GNAI3: variants seen among roughly 807,000 people sequenced by gnomAD.
GNAI3 encodes guanine nucleotide-binding protein G(i) subunit alpha-3.
GNAI3 carries 12 observed loss-of-function variants against 41.8 expected under a neutral mutation model. The ratio of observed to expected loss-of-function variants is 0.29; its 90% CI spans 0.18 to 0.47. GNAI3 has a LOEUF of 0.47. Among genes scored for constraint, GNAI3 ranks in the 20% least tolerant of loss-of-function variants. The probability of loss-of-function intolerance (pLI) is 1.00; values close to 1 mark genes in which losing one functional copy is unlikely to be tolerated. For synonymous variants in GNAI3, 132 were observed against 146.5 expected, an observed-to-expected ratio of 0.90 and a Z score of 0.71; for missense variants, 360 against 429.6, an observed-to-expected ratio of 0.84 and a Z score of 1.43.
chr1:109,583,731 G>A (rs376775030), intron 5 of GNAI3, among the ~76,000 whole-genome samples: 30 of 150,600 alleles, frequency 2.0e-4, no homozygotes, highest in African/African-American at 7.3e-4. Flanking sequence ...CAGGTGCGTT[G>A]CACCACGCCC....
chr1:109,571,736 G>T (rs1244634059), intron 1 of GNAI3, among the ~76,000 whole-genome samples: 1 of 152,104 alleles, frequency 6.6e-6, no homozygotes, highest in Non-Finnish European at 1.5e-5. Flanking sequence ...TGGCAAACAT[G>T]GTGAAACCCC....
intron 3 of GNAI3, 120 bp from the exon 4 acceptor site, chr1:109,579,084 G>A (rs1648825746): frequency 1.4e-6 from 1 of 735,574 alleles, no homozygotes; most frequent in Non-Finnish European, 2.2e-6. Context: ...TGTCAGAAAA[G>A]GTCTCTGTAA....
At chr1:109,563,009 A>G (rs561010961) in intron 1 of GNAI3, among the ~76,000 whole-genome samples, 15 of 152,288 alleles carry the variant, frequency 9.8e-5, no homozygotes, top group Non-Finnish European at 1.5e-4. Flanking sequence ...CAGTCATGTC[A>G]TATATAAATA....
In GNAI3 at chr1:109,586,314, A is replaced by G; in HGVS notation, c.689A>G (p.Tyr230Cys). Reference sequence around the variant, plus strand: ...ATCTTCTGTGTGGCCCTCAGTGATTATGACCTTGTTCTGGCTGAGGACGAG... The same window carrying G: ...ATCTTCTGTGTGGCCCTCAGTGATTGTGACCTTGTTCTGGCTGAGGACGAG... ...AIIFCVALSD[Y>C]DLVLAEDEEM... The change falls in exon 6 of 9, where the codon TAT becomes TGT. Residue 230 changes from tyrosine (Y) to cysteine (C), a missense_variant. Physicochemically the swap from Tyr to Cys is radical, Grantham distance 194 (BLOSUM62 -2). Transcript: ENST00000369851. The G allele has an allele frequency of 4.3e-6, 7 of 1,613,434 alleles. No individual in the cohort carries two copies. The highest frequency in any genetic ancestry group is 2.2e-5 in the East Asian group (1 of 44,850).
At chr1:109,578,711 G>T (rs569603882) in intron 3 of GNAI3, among the ~76,000 whole-genome samples, 2 of 152,126 alleles carry the variant, frequency 1.3e-5, no homozygotes, top group South Asian at 4.1e-4. Context: ...CTACTGTCTG[G>T]GCTGAAGGCA....
Position 109,592,575 on chromosome 1 carries a change from T to C in GNAI3, c.*253T>C, listed in dbSNP as rs937586174. On this transcript the variant is annotated 3_prime_UTR_variant, in exon 9 of 9. Coordinates refer to ENST00000369851, the MANE Select transcript of GNAI3 (RefSeq NM_006496.4). ...TCAAGACATCACTTGGATTTCTTAA[T>C]CTTAAATGCTTATGGAAGATGTGAA... 3 of 170,406 alleles carry C rather than the reference T, an allele frequency of 1.8e-5. No individual in the cohort carries two copies. Among genetic ancestry groups the C allele is most frequent in the Non-Finnish European group, 3.8e-5 (3 of 79,860 alleles). The allele number at this position is 170,406 out of a possible 1,614,324, so 10.6% of individuals were successfully genotyped here.
intron 4 of GNAI3, among the ~76,000 whole-genome samples, chr1:109,580,167 A>G (rs1259852069): frequency 6.6e-6 from 1 of 151,992 alleles, no homozygotes; most frequent in Non-Finnish European, 1.5e-5. Flanking sequence ...ATGCCCGGCT[A>G]ATTTGTATTT....
intron 1 of GNAI3, among the ~76,000 whole-genome samples, chr1:109,554,144 G>GGGCT (rs760920071): frequency 6.6e-6 from 1 of 152,046 alleles, no homozygotes; most frequent in Non-Finnish European, 1.5e-5. Flanking sequence ...ATGGGCATTT[G>GGGCT]GGCTGGTTCC....
chr1:109,550,126 A>G (rs1437088825), intron 1 of GNAI3, among the ~76,000 whole-genome samples: 1 of 152,138 alleles, frequency 6.6e-6, no homozygotes, highest in African/African-American at 2.4e-5. Flanking sequence ...ACTTTAGGGG[A>G]AATGCTAAAT....
Position 109,574,000 on chromosome 1 carries a change from G to T in GNAI3, c.266G>T (p.Gly89Val). Residue 89 changes from glycine (G) to valine (V), a missense_variant, in exon 3 of 9, where the codon GGA (glycine) becomes GTA (valine). Coordinates refer to ENST00000369851, the MANE Select transcript of GNAI3 (RefSeq NM_006496.4). ...QSIIAIIRAM[G>V]RLKIDFGEAA... ...ATCATTGCAATCATAAGAGCCATGG[G>T]ACGGCTAAAGATTGACTTTGGGGAA... is the stretch of plus-strand genomic sequence containing the variant. The T allele has an allele frequency of 6.2e-7, 1 of 1,611,432 alleles. No homozygotes were observed. Among genetic ancestry groups the T allele is most frequent in the Non-Finnish European group, 8.5e-7 (1 of 1,177,892 alleles).
chr1:109,576,749 T>A (rs919664356), intron 3 of GNAI3, among the ~76,000 whole-genome samples: 3 of 152,172 alleles, frequency 2.0e-5, no homozygotes, highest in African/African-American at 7.2e-5. Flanking sequence ...CTGGAACTCC[T>A]GACTTCAGGT....
intron 5 of GNAI3, among the ~76,000 whole-genome samples, chr1:109,583,577 G>A (rs1648950719): frequency 6.6e-6 from 1 of 151,676 alleles, no homozygotes; most frequent in Non-Finnish European, 1.5e-5. Flanking sequence ...TTTCTCATTA[G>A]CATTAGTAAT....
chr1:109,548,963 G>A (rs1287251719), intron 1 of GNAI3, 125 bp downstream of exon 1: 1 of 653,694 alleles, frequency 1.5e-6, no homozygotes, highest in Non-Finnish European at 2.7e-6. Context: ...TGCCGGGCGT[G>A]GGGCGGGGTG....
chr1:109,573,935 A>T lies in GNAI3; in HGVS notation c.201A>T (p.Lys67Asn), dbSNP rs1327656457. Residue 67 changes from lysine (K) to asparagine (N), a missense_variant, in exon 3 of 9, where the codon AAA (lysine) becomes AAT (asparagine). By Grantham distance (94) the Lys-to-Asn change is moderately conservative. Coordinates refer to ENST00000369851, the MANE Select transcript of GNAI3 (RefSeq NM_006496.4). ...HEDGYSEDEC[K>N]QYKVVVYSNT... is the part of the protein sequence containing the mutation. ...ATGGCTATTCAGAGGATGAATGTAA[A>T]CAATATAAAGTAGTTGTCTACAGCA... The T allele has an allele frequency of 1.7e-5, 27 of 1,609,322 alleles. No homozygotes were observed. Among genetic ancestry groups the T allele is most frequent in the Non-Finnish European group, 2.3e-5 (27 of 1,175,924 alleles).
chr1:109,555,454 T>C (rs1185123313), intron 1 of GNAI3, among the ~76,000 whole-genome samples: 1 of 152,144 alleles, frequency 6.6e-6, no homozygotes, highest in African/African-American at 2.4e-5. Flanking sequence ...GTTCCACAAA[T>C]GGTGCTGGGA....
At chr1:109,561,333 G>A (rs1648302323) in intron 1 of GNAI3, among the ~76,000 whole-genome samples, 2 of 152,166 alleles carry the variant, frequency 1.3e-5, no homozygotes, top group South Asian at 4.1e-4. Context: ...ATAGTACAGA[G>A]TCCCTATATA....
At chr1:109,562,840 G>A (rs1051034659) in intron 1 of GNAI3, among the ~76,000 whole-genome samples, 1 of 152,078 alleles carries the variant, frequency 6.6e-6, no homozygotes. Flanking sequence ...GGATATAGGT[G>A]CTTTGATAAA....
At position 109,598,739 on chromosome 1, in the gene GNAI3, CAA is replaced by C. The variant is rs1215994177; in HGVS notation, c.*6421_*6422del. 3 of 308,432 alleles carry C rather than the reference CAA, an allele frequency of 9.7e-6. No individual in the cohort carries two copies. Among genetic ancestry groups the C allele is most frequent in the Non-Finnish European group, 2.1e-5 (3 of 140,928 alleles). 19.1% of individuals were successfully genotyped at this position (308,432 alleles called of 1,614,324 possible). A position where few individuals can be genotyped will look rare whatever the true frequency, so the allele number is the denominator to read the frequency against. ...TGCTTATACTAGTGCTTTTTCATGG[CAA>C]AAAGACAGAAAAGTTCCCTTCTGCA... is the stretch of plus-strand genomic sequence containing the variant. On this transcript the variant is annotated 3_prime_UTR_variant, in exon 9 of 9. Coordinates refer to ENST00000369851, the MANE Select transcript of GNAI3 (RefSeq NM_006496.4).
intron 1 of GNAI3, among the ~76,000 whole-genome samples, chr1:109,562,386 TA>T (rs573998152): frequency 4.1e-4 from 62 of 152,230 alleles, no homozygotes; most frequent in African/African-American, 1.2e-3. Flanking sequence ...TTTGGTATCC[TA>T]GGGGGGGTCC....
Sources: allele counts gnomAD v4.1 joint callset (sites outside exome capture counted in the v4.1 genomes callset), GRCh38; gene constraint gnomAD v4.1.1; transcripts MANE v1.5; gene names NCBI Gene and HGNC (gene_info 2026-07-23, HGNC 2026-07-21).